Variants in ACTR3C observed in about 807,000 individuals in gnomAD.
ACTR3C encodes the protein actin related protein 3C, also known as actin-related protein 3C.
A neutral mutation model predicts 26.3 loss-of-function variants in ACTR3C; 18 were observed. That is an observed-to-expected ratio of 0.68 (90% confidence interval 0.47 to 1.01). The LOEUF is 1.01. ACTR3C is among the 50% of genes least tolerant of loss of function. ACTR3C has a pLI of 0.00. For missense variants in ACTR3C, 184 were observed against 250.7 expected (o/e 0.73, Z 1.80); for synonymous variants, 55 against 94.5 (o/e 0.58, Z 2.42).
the ACTR3C span, among the ~76,000 whole-genome samples, chr7:149,902,813 CTCCCACGTGTGG>C: frequency 1.0e-5 from 1 of 95,362 alleles, no homozygotes; most frequent in African/African-American, 2.9e-5. Context: ...GACATGATGG[CTCCCACGTGTGG>C]TCCCAGCTAC....
At chr7:150,145,074 C>T in the ACTR3C span, among the ~76,000 whole-genome samples, 1 of 151,980 alleles carries the variant, frequency 6.6e-6, no homozygotes, top group Admixed American at 6.6e-5. Context: ...AAAGATTCCC[C>T]CCCTTTCCTA....
chr7:150,044,938 T>C, the ACTR3C span: 3 of 152,348 alleles, frequency 2.0e-5, no homozygotes, highest in East Asian at 1.9e-4. Flanking sequence ...AGATTTCTCC[T>C]GCGCTAAGCC....
rs1031454470 is a variant in ACTR3C, at chr7:150,292,181, C to A, written c.153+1131G>T. On this transcript the variant is annotated intron_variant, in intron 3 of 7. Transcript: ENST00000683684. ...TATGTAAATATATACACAAACACAC[C>A]CCCCCATATACATATGCAGAAACAT... 5.3e-5 allele frequency among the ~76,000 whole-genome samples: 8 copies of A among 149,962 alleles called. No homozygotes were observed. In the East Asian group the frequency reaches 7.8e-4, roughly 15 times the overall value.
chr7:150,260,568 A>T (rs1584858061), intron 6 of ACTR3C, among the ~76,000 whole-genome samples: 1 of 152,252 alleles, frequency 6.6e-6, no homozygotes, highest in Admixed American at 6.5e-5. Flanking sequence ...ATCAATCAAA[A>T]TAATTCTCCC....
the ACTR3C span, among the ~76,000 whole-genome samples, chr7:150,210,375 A>T: frequency 6.6e-6 from 1 of 150,576 alleles, no homozygotes; most frequent in Admixed American, 6.6e-5. Context: ...TTAGGTATTT[A>T]CCCTACCTAA....
chr7:150,006,321 C>T, the ACTR3C span, among the ~76,000 whole-genome samples: 41 of 151,212 alleles, frequency 2.7e-4, no homozygotes, highest in South Asian at 2.1e-4. Context: ...CTCAGCCTCC[C>T]GAGTAGCTGG....
At chr7:150,273,101 C>T (rs1191629759) in intron 6 of ACTR3C, among the ~76,000 whole-genome samples, 2 of 148,202 alleles carry the variant, frequency 1.3e-5, no homozygotes, top group African/African-American at 5.2e-5. Flanking sequence ...AATAAAATCC[C>T]TTTACTTACA....
the ACTR3C span, among the ~76,000 whole-genome samples, chr7:149,906,162 C>T: frequency 1.3e-5 from 2 of 151,874 alleles, no homozygotes; most frequent in Non-Finnish European, 2.9e-5. Flanking sequence ...CGATGTGATA[C>T]CATATTGGAA....
At chr7:149,933,772 C>T in the ACTR3C span, among the ~76,000 whole-genome samples, 2 of 152,132 alleles carry the variant, frequency 1.3e-5, no homozygotes, top group African/African-American at 4.8e-5. Context: ...TAGTCAGACT[C>T]CAGGTGTAGA....
intron 6 of ACTR3C, among the ~76,000 whole-genome samples, chr7:150,256,544 G>T (rs1265577526): frequency 6.6e-6 from 1 of 152,318 alleles, no homozygotes; most frequent in African/African-American, 2.4e-5. Context: ...TTATAAGTGG[G>T]TGTGAAACCC....
chr7:150,059,816 G>A, the ACTR3C span, among the ~76,000 whole-genome samples: 15 of 152,188 alleles, frequency 9.9e-5, no homozygotes, highest in Admixed American at 9.8e-4. Context: ...GAAGATGACA[G>A]GCTTGAAATC....
At chr7:150,034,235 A>AC in the ACTR3C span, among the ~76,000 whole-genome samples, 1 of 151,714 alleles carries the variant, frequency 6.6e-6, no homozygotes, top group Non-Finnish European at 1.5e-5. Context: ...GCCCTCAAAT[A>AC]GGGGGGCCAT....
the ACTR3C span, among the ~76,000 whole-genome samples, chr7:150,210,347 G>T: frequency 6.6e-6 from 1 of 151,056 alleles, no homozygotes; most frequent in Admixed American, 6.5e-5. Flanking sequence ...CCTACTGTAT[G>T]ATCTAGCTGT....
intron 5 of ACTR3C, 44 bp downstream of exon 5, chr7:150,286,323 C>T (rs770853733): frequency 9.4e-6 from 15 of 1,594,530 alleles, no homozygotes; most frequent in East Asian, 4.5e-5. Context: ...GTGGCAGTAT[C>T]GCTCCATCCC....
chr7:150,037,313 C>T, the ACTR3C span, among the ~76,000 whole-genome samples: 56 of 41,314 alleles, frequency 1.4e-3, no homozygotes, highest in Admixed American at 4.0e-3. Flanking sequence ...TTAGGATCAA[C>T]GATGCGGGGT....
the ACTR3C span, among the ~76,000 whole-genome samples, chr7:149,882,662 T>G: frequency 6.6e-6 from 1 of 152,084 alleles, no homozygotes; most frequent in African/African-American, 2.4e-5. Flanking sequence ...GGTAAGTAGG[T>G]CTGTCAAAGA....
chr7:150,152,723 C>A, the ACTR3C span, among the ~76,000 whole-genome samples: 1 of 152,082 alleles, frequency 6.6e-6, no homozygotes, highest in Non-Finnish European at 1.5e-5. Flanking sequence ...GGTACCAGTT[C>A]CTCCTTGTAC....
At chr7:150,029,426 A>C in the ACTR3C span, among the ~76,000 whole-genome samples, 5,081 of 129,240 alleles carry the variant, frequency 0.039, 310 homozygotes, top group African/African-American at 0.055. Flanking sequence ...AACAAACAAA[A>C]AAAAACCATG....
chr7:150,037,103 G>A, the ACTR3C span, among the ~76,000 whole-genome samples: 19 of 47,864 alleles, frequency 4.0e-4, no homozygotes, highest in Middle Eastern at 0.014. Context: ...GGTCCTAAGA[G>A]CCAGGGGGGG....
Sources: gnomAD v4.1 joint callset for allele counts (sites outside exome capture counted in the v4.1 genomes callset) on GRCh38, gnomAD v4.1.1 for gene constraint, MANE v1.5 for transcripts, NCBI Gene and HGNC (gene_info 2026-07-23, HGNC 2026-07-21) for gene names.